The following SLC4A5 variants were observed in gnomAD, a reference collection of about 807,000 sequenced individuals.
The protein encoded by SLC4A5 is electrogenic sodium bicarbonate cotransporter 4.
SLC4A5 carries 96 observed loss-of-function variants against 120.4 expected under a neutral mutation model. The observed-to-expected ratio is 0.80, with a 90% CI of 0.68 to 0.94. The LOEUF (loss-of-function observed/expected upper bound fraction) is 0.94. Ranked by LOEUF, SLC4A5 falls within the 40% of genes least tolerant of loss-of-function variation. SLC4A5 has a pLI of 0.00. For synonymous variants in SLC4A5, 550 were observed against 571.1 expected (o/e 0.96, Z 0.53); for missense variants, 1,259 against 1,459.5 (o/e 0.86, Z 2.24).
At chr2:74,270,383 A>T (rs909418420) in intron 8 of SLC4A5, among the ~76,000 whole-genome samples, 3 of 152,212 alleles carry the variant, frequency 2.0e-5, no homozygotes, top group Non-Finnish European at 4.4e-5. Flanking sequence ...TAAAAATACC[A>T]ATGCCTGGGG....
exon 31 of SLC4A5, chr2:74,216,391 A>G (rs1285435223): frequency 6.6e-6 from 1 of 152,234 alleles, no homozygotes; most frequent in African/African-American, 2.4e-5. Context: ...CATGTAAGGT[A>G]AAATTACAGT....
At chr2:74,222,141 A>C (rs956166683) in intron 29 of SLC4A5, among the ~76,000 whole-genome samples, 4 of 152,088 alleles carry the variant, frequency 2.6e-5, no homozygotes, top group African/African-American at 7.2e-5. Flanking sequence ...GTGCTATGCT[A>C]CCTATTTCTC....
At chr2:74,296,562 A>T (rs1027343933) in intron 7 of SLC4A5, among the ~76,000 whole-genome samples, 4 of 149,644 alleles carry the variant, frequency 2.7e-5, no homozygotes, top group Admixed American at 6.7e-5. Context: ...ACTTGAGGTC[A>T]GGAGTTTGAA....
chr2:74,252,567 T>G (rs988263978), intron 15 of SLC4A5, among the ~76,000 whole-genome samples, 179 bp from the exon 16 acceptor site: 1 of 152,250 alleles, frequency 6.6e-6, no homozygotes, highest in Non-Finnish European at 1.5e-5. Flanking sequence ...GTTTCTGATA[T>G]ATCTTATTAT....
chr2:74,270,173 T>C (rs1671427781), intron 8 of SLC4A5, among the ~76,000 whole-genome samples: 2 of 152,160 alleles, frequency 1.3e-5, no homozygotes, highest in Admixed American at 6.5e-5. Flanking sequence ...ACCGCTCTAG[T>C]CCCCTCTATA....
chr2:74,317,014 G>A (rs181391757), intron 5 of SLC4A5, among the ~76,000 whole-genome samples: 4 of 152,180 alleles, frequency 2.6e-5, no homozygotes, highest in African/African-American at 9.7e-5. Flanking sequence ...ATGCATGTTT[G>A]TTCAATACAC....
At chr2:74,310,951 G>A (rs1011972741) in intron 6 of SLC4A5, among the ~76,000 whole-genome samples, 5 of 148,308 alleles carry the variant, frequency 3.4e-5, no homozygotes, top group African/African-American at 1.2e-4. Flanking sequence ...TTTTTTTTTG[G>A]TAAGTTGTTA....
chr2:74,234,507 G>A (rs895988), intron 22 of SLC4A5, among the ~76,000 whole-genome samples: 79,565 of 151,960 alleles, frequency 0.52, 21,432 homozygotes, highest in East Asian at 0.64. Context: ...AGTAGGGCTG[G>A]GTTTAGCTAC....
intron 19 of SLC4A5, among the ~76,000 whole-genome samples, chr2:74,242,509 G>A (rs1288791616): frequency 6.6e-6 from 1 of 152,144 alleles, no homozygotes; most frequent in Non-Finnish European, 1.5e-5. Context: ...CTTTACAGAT[G>A]AGGTAACTGA....
intron 8 of SLC4A5, among the ~76,000 whole-genome samples, chr2:74,273,031 T>C (rs1671524687): frequency 6.6e-6 from 1 of 152,216 alleles, no homozygotes; most frequent in South Asian, 2.1e-4. Flanking sequence ...ATTAGGATCA[T>C]CTGGGAGCTT....
chr2:74,329,465 T>C (rs1673298151), intron 4 of SLC4A5, among the ~76,000 whole-genome samples: 1 of 152,156 alleles, frequency 6.6e-6, no homozygotes, highest in African/African-American at 2.4e-5. Context: ...GGTACATGCC[T>C]GTAATCCCAG....
rs373056180 is a variant in SLC4A5 at position 74,324,724 on chromosome 2, G to C, written c.-3+3396C>G. ...TAGACAACCACCTTCAAATGTCTTA[G>C]GGGGAGACTCCATGTCTCCCCAAGC... On this transcript the variant is annotated intron_variant, in intron 5 of 30. Coordinates refer to ENST00000394019, the Ensembl canonical transcript of SLC4A5. Among the ~76,000 whole-genome samples, 21 of 151,946 alleles carry C rather than the reference G, an allele frequency of 1.4e-4. No homozygotes were observed. In the East Asian group the frequency reaches 3.5e-3, roughly 25 times the overall value.
intron 7 of SLC4A5, chr2:74,290,254 G>T: frequency 1.0e-6 from 1 of 985,532 alleles, no homozygotes; most frequent in Non-Finnish European, 1.2e-6. Flanking sequence ...CTGCTCCCTG[G>T]AACAGCTGAG....
At chr2:74,249,529 G>A (rs1297810278) in intron 17 of SLC4A5, among the ~76,000 whole-genome samples, 3 of 152,200 alleles carry the variant, frequency 2.0e-5, no homozygotes, top group South Asian at 2.1e-4. Context: ...GAGATGAGGC[G>A]TGAGAGCCAG....
At chr2:74,234,200 A>G (rs1670193652) in intron 22 of SLC4A5, among the ~76,000 whole-genome samples, 1 of 143,568 alleles carries the variant, frequency 7.0e-6, no homozygotes, top group African/African-American at 2.6e-5. Context: ...TGTTTTTGAG[A>G]CAGAGTCTTG....
chr2:74,262,427 C>T (rs1157997958), intron 10 of SLC4A5, among the ~76,000 whole-genome samples, 195 bp from the exon 11 acceptor site: 6 of 148,212 alleles, frequency 4.0e-5, no homozygotes, highest in African/African-American at 1.5e-4. Context: ...AGGCTGGGCA[C>T]GATGGCTCAC....
At chr2:74,322,378 T>C (rs902768061) in intron 5 of SLC4A5, among the ~76,000 whole-genome samples, 2 of 152,156 alleles carry the variant, frequency 1.3e-5, no homozygotes, top group Admixed American at 1.3e-4. Context: ...AAGAAAATGA[T>C]ATTATTTACA....
intron 10 of SLC4A5, 126 bp from the exon 11 acceptor site, chr2:74,262,358 A>G (rs1481285710): frequency 2.0e-5 from 11 of 561,594 alleles, no homozygotes; most frequent in East Asian, 1.2e-4. Flanking sequence ...TTCTGGGAAG[A>G]AATTCTTTTT....
chr2:74,239,233 G>C, intron 21 of SLC4A5, 102 bp downstream of exon 21: 1 of 1,113,242 alleles, frequency 9.0e-7, no homozygotes, highest in Middle Eastern at 2.5e-4. Flanking sequence ...CAGTGGGCCA[G>C]TGCTCGCATG....
Sources: gnomAD v4.1 joint callset for allele counts (sites outside exome capture counted in the v4.1 genomes callset) on GRCh38, gnomAD v4.1.1 for gene constraint, MANE v1.5 for transcripts, NCBI Gene and HGNC (gene_info 2026-07-23, HGNC 2026-07-21) for gene names.